ZCCHC2: variants seen among roughly 807,000 people sequenced by gnomAD.
ZCCHC2 encodes zinc finger CCHC domain-containing protein 2.
Under a neutral mutation model 103.6 loss-of-function variants are expected in ZCCHC2, and 39 were observed. That is an observed-to-expected ratio of 0.38 (90% CI 0.29 to 0.49). The LOEUF (loss-of-function observed/expected upper bound fraction) is 0.49. Among genes scored for constraint, ZCCHC2 ranks in the 20% least tolerant of loss-of-function variants. ZCCHC2 has a pLI of 0.96. For missense variants in ZCCHC2, 1,483 were observed against 1,491.0 expected (o/e 0.99, Z 0.09); for synonymous variants, 687 against 608.9 (o/e 1.13, Z -1.89).
chr18:62,526,726 T>TCGCC (rs1364541857), intron 1 of ZCCHC2, among the ~76,000 whole-genome samples: 2 of 151,816 alleles, frequency 1.3e-5, no homozygotes, highest in Non-Finnish European at 2.9e-5. Context: ...CCTTAGGGGC[T>TCGCC]CGGAGGTCAC....
At chr18:62,576,127 A>G (rs1007439892) in intron 13 of ZCCHC2, among the ~76,000 whole-genome samples, 2 of 152,202 alleles carry the variant, frequency 1.3e-5, no homozygotes, top group African/African-American at 4.8e-5. Flanking sequence ...ACAAAGTTTA[A>G]TATTACTACC....
Position 62,574,899 on chromosome 18 carries a change from G to T in ZCCHC2, c.2818G>T (p.Ala940Ser). 6.2e-7 allele frequency: 1 copy of T among 1,613,838 alleles called. No homozygotes were observed. The highest frequency in any genetic ancestry group is 8.5e-7 in the Non-Finnish European group (1 of 1,179,898). The change falls in exon 13 of 14, where the codon GCA becomes TCA. Residue 940 changes from alanine (A) to serine (S), a missense_variant. Coordinates refer to ENST00000269499, the MANE Select transcript of ZCCHC2 (RefSeq NM_017742.6). ...SQNSSVLSTA[A>S]TSPQPASAGI... Reference sequence around the variant, plus strand: ...GAACTCCAGTGTGCTCAGCACAGCAGCAACTTCTCCCCAGCCAGCGAGCGC... The same window carrying T: ...GAACTCCAGTGTGCTCAGCACAGCATCAACTTCTCCCCAGCCAGCGAGCGC...
At chr18:62,535,885 A>G (rs985758160) in intron 1 of ZCCHC2, among the ~76,000 whole-genome samples, 2 of 152,256 alleles carry the variant, frequency 1.3e-5, no homozygotes, top group African/African-American at 4.8e-5. Context: ...ACAATTGGGA[A>G]AACTTCAGAA....
At position 62,576,680 on chromosome 18, in the gene ZCCHC2, C is replaced by A; in HGVS notation, c.*101C>A. 1 of 1,150,634 alleles carries A rather than the reference C, an allele frequency of 8.7e-7. No individual in the cohort carries two copies. Among genetic ancestry groups the A allele is most frequent in the Non-Finnish European group, 1.2e-6 (1 of 800,014 alleles). The allele number at this position is 1,150,634 out of a possible 1,614,324, so 71.3% of individuals were successfully genotyped here. A position where few individuals can be genotyped will look rare whatever the true frequency, so the allele number is the denominator to read the frequency against. ...ATTTTGTTTCTTTGTCTATACATTT[C>A]CTAGATTTCTATGCAGTTGGGATTT... is the stretch of plus-strand genomic sequence containing the variant. On this transcript the variant is annotated 3_prime_UTR_variant, in exon 14 of 14. Transcript: ENST00000269499.
intron 1 of ZCCHC2, among the ~76,000 whole-genome samples, chr18:62,534,533 G>A (rs1914838386): frequency 2.6e-5 from 4 of 152,202 alleles, no homozygotes; most frequent in Admixed American, 6.5e-5. Context: ...GTCAGATGTA[G>A]AATTGGGGTA....
chr18:62,575,336 A>C lies in ZCCHC2; in HGVS notation c.3255A>C (p.Val1085=). 1 of 1,613,960 alleles carries C rather than the reference A, an allele frequency of 6.2e-7. No homozygotes were observed. Among genetic ancestry groups the C allele is most frequent in the African/African-American group, 1.3e-5 (1 of 75,070 alleles). Reference sequence around the variant, plus strand: ...AGACTCCATATGCAAATGGACTGGTACATGACCCAGTCATGGGGAGCCAAG... The same window carrying C: ...AGACTCCATATGCAAATGGACTGGTCCATGACCCAGTCATGGGGAGCCAAG... ...LPQTPYANGL[V]HDPVMGSQAN... is the part of the protein sequence containing the mutation. Residue 1085 remains valine (V), a synonymous_variant, in exon 13 of 14, where the codon GTA becomes GTC. Transcript: ENST00000269499.
chr18:62,543,083 CT>C (rs1915268104), intron 3 of ZCCHC2, among the ~76,000 whole-genome samples: 1 of 152,288 alleles, frequency 6.6e-6, no homozygotes, highest in East Asian at 1.9e-4. Flanking sequence ...TGCCCGTCAG[CT>C]GTATCGGGAA....
intron 1 of ZCCHC2, chr18:62,525,064 CTA>C (rs72030741): frequency 0.2 from 30,845 of 152,102 alleles, 3,571 homozygotes; most frequent in Non-Finnish European, 0.27. Flanking sequence ...GAAACCTTTT[CTA>C]GCGCGGCCTG....
Position 62,578,399 on chromosome 18 carries a change from A to C in ZCCHC2, c.*1820A>C, listed in dbSNP as rs550610777. 1 of 152,724 alleles carries C rather than the reference A, an allele frequency of 6.5e-6. No homozygotes were observed. The highest frequency in any genetic ancestry group is 1.9e-4 in the East Asian group (1 of 5,184). The allele number at this position is 152,724 out of a possible 1,614,324, so 9.5% of individuals were successfully genotyped here. A position where few individuals can be genotyped will look rare whatever the true frequency, so the allele number is the denominator to read the frequency against. ...AGTTGTACTTTATGGAGCTTATTTT[A>C]TGATTTAAAATACTGTACTGTACAT... On this transcript the variant is annotated 3_prime_UTR_variant, in exon 14 of 14. Transcript: ENST00000269499.
chr18:62,523,309 C>T lies in ZCCHC2; in HGVS notation c.-116C>T, dbSNP rs1452216546. The T allele has an allele frequency of 1.6e-5, 16 of 973,008 alleles. No homozygotes were observed. Among genetic ancestry groups the T allele is most frequent in the East Asian group, 1.1e-4 (1 of 8,736 alleles). The allele number at this position is 973,008 out of a possible 1,614,324, so 60.3% of individuals were successfully genotyped here. On this transcript the variant is annotated 5_prime_UTR_variant, in exon 1 of 14. Coordinates refer to ENST00000269499, the MANE Select transcript of ZCCHC2 (RefSeq NM_017742.6). ...ACCCGCCCCCGGCCCCGGCCCTCCCCCGGCGGCATGGAGGGGCCCCGCTCC... is the reference window on the plus strand; with the variant it reads ...ACCCGCCCCCGGCCCCGGCCCTCCCTCGGCGGCATGGAGGGGCCCCGCTCC...
chr18:62,528,611 A>C (rs1303917320), intron 1 of ZCCHC2, among the ~76,000 whole-genome samples: 1 of 151,600 alleles, frequency 6.6e-6, no homozygotes. Context: ...AAAAAAAAAA[A>C]AACCTTGTTA....
intron 4 of ZCCHC2, among the ~76,000 whole-genome samples, chr18:62,545,238 G>T (rs1188901747): frequency 6.6e-6 from 1 of 151,928 alleles, no homozygotes; most frequent in Non-Finnish European, 1.5e-5. Flanking sequence ...AAAAAAAAAG[G>T]AACCCTGTTC....
exon 15 of ZCCHC2, chr18:62,585,570 C>G (rs368506287): frequency 3.3e-5 from 5 of 152,236 alleles, no homozygotes; most frequent in Non-Finnish European, 7.4e-5. Flanking sequence ...TACATGGTAA[C>G]TTAATTGTGC....
Position 62,523,305 on chromosome 18 carries a change from T to G in ZCCHC2, c.-120T>G. 27 of 482,084 alleles carry G rather than the reference T, an allele frequency of 5.6e-5. No homozygotes were observed. Among genetic ancestry groups the G allele is most frequent in the Non-Finnish European group, 6.5e-5 (26 of 401,818 alleles). 29.9% of individuals were successfully genotyped at this position (482,084 alleles called of 1,614,324 possible). A position where few individuals can be genotyped will look rare whatever the true frequency, so the allele number is the denominator to read the frequency against. ...CGAGACCCGCCCCCGGCCCCGGCCC[T>G]CCCCCGGCGGCATGGAGGGGCCCCG... is the stretch of plus-strand genomic sequence containing the variant. On this transcript the variant is annotated 5_prime_UTR_variant, in exon 1 of 14. Coordinates refer to ENST00000269499, the MANE Select transcript of ZCCHC2 (RefSeq NM_017742.6).
chr18:62,531,734 C>T (rs572875299), intron 1 of ZCCHC2, among the ~76,000 whole-genome samples: 28 of 150,854 alleles, frequency 1.9e-4, no homozygotes, highest in African/African-American at 6.8e-4. Flanking sequence ...ATCGCTTGAG[C>T]CCAGGAGTTT....
intron 1 of ZCCHC2, among the ~76,000 whole-genome samples, chr18:62,527,508 G>A (rs2145483456): frequency 6.6e-6 from 1 of 152,282 alleles, no homozygotes; most frequent in African/African-American, 2.4e-5. Flanking sequence ...AACATTTCTA[G>A]AGTTTTTCTA....
At chr18:62,583,062 C>G (rs1917078216), downstream of ZCCHC2, among the ~76,000 whole-genome samples, 1 of 152,138 alleles carries the variant, frequency 6.6e-6, no homozygotes, top group African/African-American at 2.4e-5. Context: ...CCAGATCATG[C>G]CACTGCACTC....
chr18:62,583,667 A>AC (rs71893758), intron 14 of ZCCHC2, among the ~76,000 whole-genome samples: 25,536 of 147,258 alleles, frequency 0.17, 2,277 homozygotes, highest in East Asian at 0.23. Context: ...AAAAATACTG[A>AC]CCCCCCCCTC....
At chr18:62,528,097 C>G (rs562240434) in intron 1 of ZCCHC2, among the ~76,000 whole-genome samples, 1 of 152,242 alleles carries the variant, frequency 6.6e-6, no homozygotes, top group East Asian at 1.9e-4. Flanking sequence ...ATTGTGTCAC[C>G]AAGATCTTCA....
Sources: allele counts gnomAD v4.1 joint callset (sites outside exome capture counted in the v4.1 genomes callset), GRCh38; gene constraint gnomAD v4.1.1; transcripts MANE v1.5; gene names NCBI Gene and HGNC (gene_info 2026-07-23, HGNC 2026-07-21).